CSMD1: variants seen among roughly 807,000 people sequenced by gnomAD.
The protein encoded by CSMD1 is CUB and sushi domain-containing protein 1.
A neutral mutation model predicts 417.5 loss-of-function variants in CSMD1; 213 were observed. The ratio of observed to expected loss-of-function variants is 0.51; its 90% CI spans 0.46 to 0.57. CSMD1 has a LOEUF of 0.57. Ranked by LOEUF, CSMD1 falls within the 20% of genes least tolerant of loss-of-function variation. CSMD1 has a pLI of 0.00. For synonymous variants in CSMD1, 2,862 were observed against 1,736.8 expected (o/e 1.65, Z -16.11); for missense variants, 6,923 against 4,529.7 (o/e 1.53, Z -15.17).
At chr8:4,120,750 T>A (rs1802440986) in intron 3 of CSMD1, among the ~76,000 whole-genome samples, 1 of 152,168 alleles carries the variant, frequency 6.6e-6, no homozygotes, top group Admixed American at 6.5e-5. Context: ...TCAGAATGTG[T>A]CTTAGAGGAC....
chr8:3,090,704 T>C (rs1814882784), intron 48 of CSMD1, among the ~76,000 whole-genome samples: 1 of 152,198 alleles, frequency 6.6e-6, no homozygotes, highest in Non-Finnish European at 1.5e-5. Flanking sequence ...TGAGCATCTT[T>C]CACGGGAAAA....
At chr8:3,756,798 AT>A (rs5888992) in intron 5 of CSMD1, among the ~76,000 whole-genome samples, 63 of 149,240 alleles carry the variant, frequency 4.2e-4, no homozygotes, top group East Asian at 1.4e-3. Context: ...ACCAGGTGGA[AT>A]TTTTTTTTTT....
At chr8:3,538,506 ACCTGAGATGCCCCACCTGCGATGCCTCG>A (rs1302901369) in intron 10 of CSMD1, among the ~76,000 whole-genome samples, 1 of 152,096 alleles carries the variant, frequency 6.6e-6, no homozygotes, top group East Asian at 1.9e-4. Flanking sequence ...GCGATGCCTC[ACCTGAGATGCCCCACCTGCGATGCCTCG>A]CCTGCGATGC....
intron 3 of CSMD1, among the ~76,000 whole-genome samples, chr8:4,120,581 G>C (rs954528613): frequency 2.0e-5 from 3 of 152,188 alleles, no homozygotes; most frequent in Admixed American, 6.5e-5. Context: ...CTTTCAAATG[G>C]CCTGTGGCCT....
At chr8:3,452,214 G>C (rs1033769068) in intron 12 of CSMD1, among the ~76,000 whole-genome samples, 1 of 152,176 alleles carries the variant, frequency 6.6e-6, no homozygotes, top group Non-Finnish European at 1.5e-5. Context: ...AGGAGATTTT[G>C]GGCTGAGACA....
chr8:3,943,183 G>C (rs1810999119), intron 5 of CSMD1, among the ~76,000 whole-genome samples: 1 of 151,948 alleles, frequency 6.6e-6, no homozygotes. Flanking sequence ...CTCAATTGAG[G>C]ATGTTTCCTG....
Position 4,426,560 on chromosome 8 carries a change from T to C in CSMD1, c.303-6495A>G, listed in dbSNP as rs546793488. On this transcript the variant is annotated intron_variant, in intron 2 of 69. Coordinates refer to ENST00000635120, the MANE Select transcript of CSMD1 (RefSeq NM_033225.6). Reference sequence around the variant, plus strand: ...TGTATAATATATAGGATATTTACTATAGTATAGTATATATACACAGTATGT... The same window carrying C: ...TGTATAATATATAGGATATTTACTACAGTATAGTATATATACACAGTATGT... Among the ~76,000 whole-genome samples the C allele has an allele frequency of 3.5e-3, 515 of 147,332 alleles. 3 individuals are homozygous for C. The highest frequency in any genetic ancestry group is 0.017 in the Middle Eastern group (4 of 242).
intron 33 of CSMD1, among the ~76,000 whole-genome samples, chr8:3,193,744 G>A (rs1436010959): frequency 3.3e-5 from 5 of 152,284 alleles, no homozygotes; most frequent in African/African-American, 9.6e-5. Context: ...TTCTTCAGAG[G>A]CAGAACGCTC....
chr8:3,656,105 G>T lies in CSMD1; in HGVS notation c.1010-39308C>A, dbSNP rs551396583. ...CTGCTACACACAGATGCTACCAGAA[G>T]ATCATGGGGTGCGCAGTGAACTCAT... On this transcript the variant is annotated intron_variant, in intron 7 of 69. Transcript: ENST00000635120. 3.9e-5 allele frequency among the ~76,000 whole-genome samples: 6 copies of T among 152,298 alleles called. 1 individual carries two copies. Among genetic ancestry groups the T allele is most frequent in the Admixed American group, 3.3e-4 (5 of 15,298 alleles).
intron 2 of CSMD1, among the ~76,000 whole-genome samples, chr8:4,564,903 A>T (rs1798517714): frequency 6.6e-6 from 1 of 152,146 alleles, no homozygotes; most frequent in Non-Finnish European, 1.5e-5. Flanking sequence ...TAATTCACCC[A>T]TTTCTCTATG....
At chr8:3,700,264 G>T (rs1031439548) in intron 7 of CSMD1, among the ~76,000 whole-genome samples, 1 of 152,036 alleles carries the variant, frequency 6.6e-6, no homozygotes. Flanking sequence ...GAAAAAATAC[G>T]AAAAATAATT....
chr8:3,724,724 T>A (rs1802387681), intron 6 of CSMD1, among the ~76,000 whole-genome samples: 1 of 152,202 alleles, frequency 6.6e-6, no homozygotes, highest in Admixed American at 6.5e-5. Flanking sequence ...TTACACTGCC[T>A]TCTAAGTGAA....
chr8:3,237,195 C>T (rs147830427), intron 26 of CSMD1, among the ~76,000 whole-genome samples: 1 of 151,228 alleles, frequency 6.6e-6, no homozygotes, highest in African/African-American at 2.4e-5. Context: ...AGGCCGGGTG[C>T]GGTAGCTCAC....
chr8:3,618,179 A>G, intron 7 of CSMD1, among the ~76,000 whole-genome samples: 1 of 151,992 alleles, frequency 6.6e-6, no homozygotes, highest in East Asian at 1.9e-4. Flanking sequence ...TTAAAAAAAA[A>G]ATCTTTTCTA....
chr8:4,397,123 C>T (rs561990455), intron 3 of CSMD1, among the ~76,000 whole-genome samples: 18 of 152,190 alleles, frequency 1.2e-4, no homozygotes, highest in African/African-American at 3.1e-4. Flanking sequence ...ACCATCTGCA[C>T]GCCATCACAT....
At chr8:3,384,744 A>C (rs1230438149) in intron 18 of CSMD1, among the ~76,000 whole-genome samples, 1 of 125,004 alleles carries the variant, frequency 8.0e-6, no homozygotes, top group Non-Finnish European at 1.6e-5. Flanking sequence ...TTATATAAAT[A>C]TATATTTATA....
intron 26 of CSMD1, among the ~76,000 whole-genome samples, chr8:3,260,818 G>C (rs957243818): frequency 6.6e-6 from 1 of 152,076 alleles, no homozygotes; most frequent in Non-Finnish European, 1.5e-5. Context: ...AAACAGAAAA[G>C]CTTTTGCTCT....
At position 4,008,098 on chromosome 8, in the gene CSMD1, A is replaced by T. The variant is rs535386889; in HGVS notation, c.611-9988T>A. Among the ~76,000 whole-genome samples, 35 of 152,186 alleles carry T rather than the reference A, an allele frequency of 2.3e-4. 1 individual carries two copies. Among genetic ancestry groups the T allele is most frequent in the African/African-American group, 8.4e-4 (35 of 41,452 alleles). ...AGGTTTTTTCTTTGTTTTTAAACTC[A>T]CCAGAGCTGCATGAAATAAAGTCAA... On this transcript the variant is annotated intron_variant, in intron 4 of 69. Transcript: ENST00000635120.
At chr8:4,216,931 A>G (rs1339080053) in intron 3 of CSMD1, among the ~76,000 whole-genome samples, 4 of 152,126 alleles carry the variant, frequency 2.6e-5, no homozygotes, top group Non-Finnish European at 4.4e-5. Context: ...AAAAGCCAAC[A>G]GCTCCAACAA....
Sources: gnomAD v4.1 joint callset for allele counts (sites outside exome capture counted in the v4.1 genomes callset) on GRCh38, gnomAD v4.1.1 for gene constraint, MANE v1.5 for transcripts, NCBI Gene and HGNC (gene_info 2026-07-23, HGNC 2026-07-21) for gene names.